FSIP2: variants seen among roughly 807,000 people sequenced by gnomAD.
FSIP2 encodes fibrous sheath-interacting protein 2.
In FSIP2, 367 loss-of-function variants were observed where a neutral mutation model predicts 510.5. The observed-to-expected ratio is 0.72, with a 90% CI of 0.66 to 0.78. The LOEUF (loss-of-function observed/expected upper bound fraction) is 0.78. FSIP2 is among the 30% of genes least tolerant of loss of function. The pLI, the probability that FSIP2 is intolerant of heterozygous loss-of-function variation, is 0.00. For missense variants in FSIP2, 7,594 were observed against 7,901.7 expected, an observed-to-expected ratio of 0.96 and a Z score of 1.48; for synonymous variants, 2,601 against 2,732.2, an observed-to-expected ratio of 0.95 and a Z score of 1.50.
rs754806977 is a variant in FSIP2, at chr2:185,800,720, G to C, written c.11414G>C (p.Arg3805Pro). 2.6e-6 allele frequency: 4 copies of C among 1,533,286 alleles called. No individual in the cohort carries two copies. In the Admixed American group the frequency reaches 7.9e-5, roughly 30 times the overall value. 95.0% of individuals were successfully genotyped at this position (1,533,286 alleles called of 1,614,324 possible). Residue 3805 changes from arginine to proline, a missense_variant, in exon 17 of 23, where the codon CGT (arginine) becomes CCT (proline). Coordinates refer to ENST00000424728, the MANE Select transcript of FSIP2 (RefSeq NM_173651.4). Reference sequence around the variant, plus strand: ...GTAGAAGATGGAAAATCTGATTATCGTAAGGGAGGAATGGACTGTGAATGC... The same window carrying C: ...GTAGAAGATGGAAAATCTGATTATCCTAAGGGAGGAATGGACTGTGAATGC... ...QSVEDGKSDY[R>P]KGGMDCECLQ...
At chr2:185,814,219 G>A (rs1693792393) in intron 18 of FSIP2, among the ~76,000 whole-genome samples, 177 bp downstream of exon 18, 1 of 151,984 alleles carries the variant, frequency 6.6e-6, no homozygotes, top group African/African-American at 2.4e-5. Context: ...ACTCAACTGT[G>A]GGAAAGCAGG....
chr2:185,755,660 C>T (rs1692233404), intron 8 of FSIP2, among the ~76,000 whole-genome samples: 1 of 151,504 alleles, frequency 6.6e-6, no homozygotes, highest in Non-Finnish European at 1.5e-5. Context: ...GCTCAGTGAT[C>T]AGTGAATGGG....
chr2:185,739,142 G>A (rs1320388269), intron 1 of FSIP2, 149 bp downstream of exon 1: 2 of 1,215,976 alleles, frequency 1.6e-6, no homozygotes, highest in East Asian at 2.6e-5. Flanking sequence ...GGCGGTGGCG[G>A]TGGCTCGGAC....
rs1693314881 is a variant in FSIP2, at chr2:185,797,313, C to T, written c.10177C>T (p.Pro3393Ser). Residue 3393 changes from proline (P) to serine (S), a missense_variant, in exon 16 of 23, where the codon CCT becomes TCT. By Grantham distance (74) the Pro-to-Ser change is moderately conservative. Transcript: ENST00000424728. ...RMQDKKINYI[P>S]EEENENLEAS... ...GCAGGATAAAAAAATCAACTATATA[C>T]CTGAGGAAGAAAATGAAAACCTTGA... 3 of 1,526,144 alleles carry T rather than the reference C, an allele frequency of 2.0e-6. No individual in the cohort carries two copies. The highest frequency in any genetic ancestry group is 2.8e-5 in the African/African-American group (2 of 71,900). 94.5% of individuals were successfully genotyped at this position (1,526,144 alleles called of 1,614,324 possible).
In FSIP2 at chr2:185,804,039, T is replaced by A. The variant is rs1693503696; in HGVS notation, c.14733T>A (p.Phe4911Leu). The A allele has an allele frequency of 1.3e-6, 2 of 1,512,102 alleles. No individual in the cohort carries two copies. The highest frequency in any genetic ancestry group is 1.8e-6 in the Non-Finnish European group (2 of 1,133,840). 93.7% of individuals were successfully genotyped at this position (1,512,102 alleles called of 1,614,324 possible). Residue 4911 changes from phenylalanine (F) to leucine (L), a missense_variant, in exon 17 of 23, where the codon TTT (phenylalanine) becomes TTA (leucine). Transcript: ENST00000424728. ...KEIFNHHIQS[F>L]LSEDKTLLLA... ...TCTTTAACCATCATATTCAATCATT[T>A]TTATCTGAAGATAAAACTCTCCTTT...
Position 185,813,841 on chromosome 2 carries a change from C to T in FSIP2, c.20124C>T (p.Ser6708=). The T allele has an allele frequency of 6.2e-7, 1 of 1,613,516 alleles. No individual in the cohort carries two copies. The highest frequency in any genetic ancestry group is 2.2e-5 in the East Asian group (1 of 44,750). ...CTAAGTCAACACTAAGCACGAGCAG[C>T]CTGAAAAAATTTTTGTCACTAAGTA... The part of the protein sequence containing the change: ...LSPKSTLSTS[S]LKKFLSLSKC... Residue 6708 remains serine (S), a synonymous_variant, in exon 18 of 23, where the codon AGC becomes AGT. Coordinates refer to ENST00000424728, the MANE Select transcript of FSIP2 (RefSeq NM_173651.4).
At chr2:185,785,378 AG>A (rs1368237423) in intron 14 of FSIP2, among the ~76,000 whole-genome samples, 10 of 152,166 alleles carry the variant, frequency 6.6e-5, no homozygotes, top group Admixed American at 5.9e-4. Flanking sequence ...GCCAAAATAC[AG>A]GATATAGTTT....
In FSIP2 at chr2:185,791,592, G is replaced by A. The variant is rs746314046; in HGVS notation, c.4456G>A (p.Ala1486Thr). 3.9e-6 allele frequency: 6 copies of A among 1,534,178 alleles called. No homozygotes were observed. In the Admixed American group the frequency reaches 1.2e-4, roughly 30 times the overall value. Reference sequence around the variant, plus strand: ...GTCTAATATTCAGTTAATTTCTAAAGCAATTTTGGATTATATCCTTGCAAA... The same window carrying A: ...GTCTAATATTCAGTTAATTTCTAAAACAATTTTGGATTATATCCTTGCAAA... ...LQSNIQLISK[A>T]ILDYILAKLC... is the part of the protein sequence containing the mutation. Residue 1486 changes from alanine to threonine, a missense_variant, in exon 16 of 23, where the codon GCA becomes ACA. Physicochemically the swap from Ala to Thr is moderately conservative, Grantham distance 58. Transcript: ENST00000424728.
intron 20 of FSIP2, 30 bp from the exon 21 acceptor site, chr2:185,828,126 A>G: frequency 7.7e-7 from 1 of 1,298,998 alleles, no homozygotes; most frequent in Non-Finnish European, 1.1e-6. Context: ...GAAAGAGACT[A>G]TTTTACTTTT....
Position 185,804,583 on chromosome 2 carries a change from A to C in FSIP2, c.15277A>C (p.Arg5093=). Residue 5093 remains arginine (R), a synonymous_variant, in exon 17 of 23, where the codon AGA becomes CGA. Transcript: ENST00000424728. ...YSYPQADNII[R]NVLNIITKDS... Reference sequence around the variant, plus strand: ...GTATCCCCAAGCTGATAATATCATCAGAAATGTGCTTAACATAATCACAAA... The same window carrying C: ...GTATCCCCAAGCTGATAATATCATCCGAAATGTGCTTAACATAATCACAAA... 5 of 1,533,010 alleles carry C rather than the reference A, an allele frequency of 3.3e-6. No individual in the cohort carries two copies. The highest frequency in any genetic ancestry group is 4.4e-6 in the Non-Finnish European group (5 of 1,144,860). 95.0% of individuals were successfully genotyped at this position (1,533,010 alleles called of 1,614,324 possible).
intron 12 of FSIP2, 45 bp from the exon 13 acceptor site, chr2:185,764,456 AT>A (rs751012789): frequency 1.1e-4 from 140 of 1,253,332 alleles, no homozygotes; most frequent in South Asian, 1.4e-4. Flanking sequence ...GAGTCCTAAA[AT>A]TTTTTTTTGT....
At position 185,799,937 on chromosome 2, in the gene FSIP2, A is replaced by C. The variant is rs1214668731; in HGVS notation, c.10631A>C (p.Gln3544Pro). ...TFSKIISIHSQVFESRSISIG... is the reference protein window; with the variant it reads ...TFSKIISIHSPVFESRSISIG... ...AGCAAGATTATTTCAATTCATTCTC[A>C]AGTGTTTGAGAGCAGGTCAATTTCC... Residue 3544 changes from glutamine to proline, a missense_variant, in exon 17 of 23, where the codon CAA becomes CCA. By Grantham distance (76) the Gln-to-Pro change is moderately conservative. Coordinates refer to ENST00000424728, the MANE Select transcript of FSIP2 (RefSeq NM_173651.4). The C allele has an allele frequency of 6.5e-7, 1 of 1,533,756 alleles. No homozygotes were observed. The highest frequency in any genetic ancestry group is 2.5e-5 in the East Asian group (1 of 40,788).
chr2:185,787,069 A>C (rs1038459551), intron 15 of FSIP2, among the ~76,000 whole-genome samples: 9 of 151,814 alleles, frequency 5.9e-5, no homozygotes, highest in Non-Finnish European at 1.2e-4. Flanking sequence ...GTTTTTGTTT[A>C]TCATCTCCAG....
At chr2:185,741,582 T>C (rs1691923233) in intron 2 of FSIP2, among the ~76,000 whole-genome samples, 1 of 152,218 alleles carries the variant, frequency 6.6e-6, no homozygotes, top group South Asian at 2.1e-4. Context: ...TGACTTATTA[T>C]TATTGATCGT....
chr2:185,747,458 C>T (rs1692056504), intron 7 of FSIP2, 35 bp downstream of exon 7: 4 of 1,191,456 alleles, frequency 3.4e-6, no homozygotes, highest in Admixed American at 2.1e-5. Flanking sequence ...TTGAGCTGTT[C>T]GAAGAGAAGA....
In FSIP2 at chr2:185,807,816, T is replaced by C. The variant is rs1170499880; in HGVS notation, c.18510T>C (p.His6170=). The change falls in exon 17 of 23, where the codon CAT becomes CAC. Residue 6170 remains histidine (H), a synonymous_variant. Transcript: ENST00000424728. The stretch of plus-strand genomic sequence containing the variant: ...ATGTGCCCCTACCTAAACCTTCACA[T>C]GCTGATAAGCTGTCTTATAACATAA... The part of the protein sequence containing the change: ...TTDVPLPKPS[H]ADKLSYNIIE... The C allele has an allele frequency of 3.7e-6, 6 of 1,612,512 alleles. No homozygotes were observed. The East Asian group carries it at 1.1e-4, about 30-fold the overall frequency.
chr2:185,814,068 G>A (rs773266279), intron 18 of FSIP2, 26 bp downstream of exon 18: 13 of 1,578,914 alleles, frequency 8.2e-6, no homozygotes, highest in Non-Finnish European at 1.1e-5. Context: ...GACTGTTAGT[G>A]ACTAGAAAGG....
At chr2:185,755,615 G>C (rs1692232748) in intron 8 of FSIP2, among the ~76,000 whole-genome samples, 1 of 151,510 alleles carries the variant, frequency 6.6e-6, no homozygotes, top group Non-Finnish European at 1.5e-5. Flanking sequence ...TAGTGGGACA[G>C]AGAAAGTAAA....
chr2:185,749,623 AT>A (rs955586856), intron 7 of FSIP2, among the ~76,000 whole-genome samples: 2 of 150,948 alleles, frequency 1.3e-5, no homozygotes, highest in Non-Finnish European at 3.0e-5. Flanking sequence ...AGTTCCTTTA[AT>A]TTTTTTTTCT....
Sources: gnomAD v4.1 joint callset for allele counts (sites outside exome capture counted in the v4.1 genomes callset) on GRCh38, gnomAD v4.1.1 for gene constraint, MANE v1.5 for transcripts, NCBI Gene and HGNC (gene_info 2026-07-23, HGNC 2026-07-21) for gene names.